RBFOX3: variants seen among roughly 807,000 people sequenced by gnomAD.
RBFOX3 encodes RNA binding fox-1 homolog 3.
A neutral mutation model predicts 48.7 loss-of-function variants in RBFOX3; 17 were observed. The observed-to-expected ratio is 0.35, with a 90% confidence interval of 0.24 to 0.52. The LOEUF (loss-of-function observed/expected upper bound fraction) is 0.52. Ranked by LOEUF, RBFOX3 falls within the 20% of genes least tolerant of loss-of-function variation. The pLI is 0.94. For missense variants in RBFOX3, 382 were observed against 497.5 expected (o/e 0.77, Z 2.21); for synonymous variants, 212 against 209.5 (o/e 1.01, Z -0.10).
chr17:79,556,632 A>G (rs976326213), intron 1 of RBFOX3, among the ~76,000 whole-genome samples: 6 of 152,262 alleles, frequency 3.9e-5, no homozygotes, highest in African/African-American at 7.2e-5. Flanking sequence ...AAAGACTCGA[A>G]CTAATTTAAT....
chr17:79,575,714 C>A (rs1264705051), intron 1 of RBFOX3, among the ~76,000 whole-genome samples: 1 of 152,208 alleles, frequency 6.6e-6, no homozygotes, highest in Non-Finnish European at 1.5e-5. Context: ...GGGGTCAAGG[C>A]ACTTCCGACT....
At chr17:79,285,644 A>T (rs975461408) in intron 3 of RBFOX3, among the ~76,000 whole-genome samples, 1 of 152,060 alleles carries the variant, frequency 6.6e-6, no homozygotes, top group African/African-American at 2.4e-5. Context: ...CTGCTCCTTT[A>T]TCTGCTTTGA....
chr17:79,596,344 G>T (rs920743439), intron 1 of RBFOX3, among the ~76,000 whole-genome samples: 1 of 152,200 alleles, frequency 6.6e-6, no homozygotes, highest in African/African-American at 2.4e-5. Context: ...GATCAGCGGG[G>T]TCCTTGTTCC....
intron 4 of RBFOX3, among the ~76,000 whole-genome samples, chr17:79,173,205 C>CAAAT (rs797010162): frequency 3.3e-5 from 5 of 149,662 alleles, no homozygotes; most frequent in African/African-American, 7.4e-5. Flanking sequence ...ACGAGACTGT[C>CAAAT]AAATAAATAA....
intron 1 of RBFOX3, among the ~76,000 whole-genome samples, chr17:79,558,760 C>T (rs2091964101): frequency 1.3e-5 from 2 of 152,242 alleles, no homozygotes; most frequent in South Asian, 2.1e-4. Flanking sequence ...GCTGCGTGGG[C>T]CTGCGGGGAG....
Position 79,137,686 on chromosome 17 carries a change from T to G in RBFOX3, c.-33-21938A>C, listed in dbSNP as rs532195649. ...GGTGTCGGGGGAGGAGGCGGATGGCTTCTTTTCCCGTTAGGCGCCTGGCTC... is the reference window on the plus strand; with the variant it reads ...GGTGTCGGGGGAGGAGGCGGATGGCGTCTTTTCCCGTTAGGCGCCTGGCTC... On this transcript the variant is annotated intron_variant, in intron 4 of 14. Coordinates refer to ENST00000693108, the MANE Select transcript of RBFOX3 (RefSeq NM_001350451.2). Among the ~76,000 whole-genome samples the G allele has an allele frequency of 6.1e-3, 931 of 152,296 alleles. 11 individuals carry two copies. Among genetic ancestry groups the G allele is most frequent in the African/African-American group, 0.022 (902 of 41,574 alleles).
At chr17:79,445,970 G>A (rs1473932719) in intron 2 of RBFOX3, among the ~76,000 whole-genome samples, 1 of 152,206 alleles carries the variant, frequency 6.6e-6, no homozygotes, top group Non-Finnish European at 1.5e-5. Context: ...GCTGTGGCTG[G>A]GGGTGATGCT....
At chr17:79,306,766 C>A (rs572312578) in intron 3 of RBFOX3, among the ~76,000 whole-genome samples, 2 of 152,238 alleles carry the variant, frequency 1.3e-5, no homozygotes, top group Non-Finnish European at 2.9e-5. Context: ...CTAGGCCTCC[C>A]GTGCCGGGTG....
At chr17:79,256,896 TG>T (rs2064950686) in intron 3 of RBFOX3, among the ~76,000 whole-genome samples, 1 of 151,360 alleles carries the variant, frequency 6.6e-6, no homozygotes. Flanking sequence ...CACTCCAGCC[TG>T]GGCGACAGAG....
At chr17:79,589,136 G>A (rs2093344915) in intron 1 of RBFOX3, among the ~76,000 whole-genome samples, 2 of 152,366 alleles carry the variant, frequency 1.3e-5, no homozygotes, top group East Asian at 1.9e-4. Context: ...CTGCCTGGGA[G>A]GGGGCATTAG....
At chr17:79,506,385 A>C (rs1212342142) in intron 1 of RBFOX3, among the ~76,000 whole-genome samples, 3 of 152,196 alleles carry the variant, frequency 2.0e-5, no homozygotes, top group Non-Finnish European at 4.4e-5. Flanking sequence ...TGCATCACGC[A>C]TGGGGAAATT....
At chr17:79,397,075 T>C (rs1405635105) in intron 2 of RBFOX3, among the ~76,000 whole-genome samples, 1 of 152,162 alleles carries the variant, frequency 6.6e-6, no homozygotes, top group Non-Finnish European at 1.5e-5. Flanking sequence ...AAATACAGCT[T>C]TGTCACTTTC....
intron 4 of RBFOX3, among the ~76,000 whole-genome samples, chr17:79,167,509 G>A (rs2048267396): frequency 6.6e-6 from 1 of 152,184 alleles, no homozygotes; most frequent in African/African-American, 2.4e-5. Flanking sequence ...CCTCCCATGG[G>A]TCATGGAGTC....
At chr17:79,367,097 G>A (rs2057875580) in intron 2 of RBFOX3, among the ~76,000 whole-genome samples, 1 of 151,920 alleles carries the variant, frequency 6.6e-6, no homozygotes, top group Non-Finnish European at 1.5e-5. Context: ...TGCTGCCCTC[G>A]CTCCCACATG....
intron 4 of RBFOX3, chr17:79,132,791 C>T (rs990799378): frequency 1.3e-5 from 2 of 152,348 alleles, no homozygotes; most frequent in East Asian, 3.9e-4. Context: ...TGAGGAAAGC[C>T]GCAAGGATTG....
chr17:79,556,075 T>C (rs2143937623), intron 1 of RBFOX3, among the ~76,000 whole-genome samples: 1 of 152,224 alleles, frequency 6.6e-6, no homozygotes, highest in Non-Finnish European at 1.5e-5. Flanking sequence ...GAAAGCATAC[T>C]TGCAATCATC....
intron 2 of RBFOX3, among the ~76,000 whole-genome samples, chr17:79,385,411 C>T (rs1049352981): frequency 6.6e-6 from 1 of 152,166 alleles, no homozygotes; most frequent in African/African-American, 2.4e-5. Context: ...GAGCCTGAAA[C>T]CATCATCCAT....
At chr17:79,104,801 G>C (rs1217752696) in intron 6 of RBFOX3, among the ~76,000 whole-genome samples, 4 of 152,100 alleles carry the variant, frequency 2.6e-5, no homozygotes, top group African/African-American at 4.8e-5. Context: ...GAGGAGGTTG[G>C]GCAGGGGGAA....
chr17:79,229,230 C>CA lies in RBFOX3; in HGVS notation c.-34+6535dup, dbSNP rs59934894. 2.9e-3 allele frequency among the ~76,000 whole-genome samples: 97 copies of CA among 33,738 alleles called. 9 individuals are homozygous for CA. The highest frequency in any genetic ancestry group is 3.6e-3 in the Non-Finnish European group (77 of 21,626). 22.1% of individuals were successfully genotyped at this position (33,738 alleles called of 152,430 possible). A position where few individuals can be genotyped will look rare whatever the true frequency, so the allele number is the denominator to read the frequency against. On this transcript the variant is annotated intron_variant, in intron 4 of 14. Transcript: ENST00000693108. Reference sequence around the variant, plus strand: ...GGTGACAGTGTGAATGAGACTCTGTCAAAAAAAAAAAAAAAAAAAAAAAAA... The same window carrying CA: ...GGTGACAGTGTGAATGAGACTCTGTCAAAAAAAAAAAAAAAAAAAAAAAAAA...
Sources: gnomAD v4.1 joint callset for allele counts (sites outside exome capture counted in the v4.1 genomes callset) on GRCh38, gnomAD v4.1.1 for gene constraint, MANE v1.5 for transcripts, NCBI Gene and HGNC (gene_info 2026-07-23, HGNC 2026-07-21) for gene names.